The following DGKI variants were observed in gnomAD, a reference collection of about 807,000 sequenced individuals.
The protein encoded by DGKI is diacylglycerol kinase iota.
DGKI carries 55 observed loss-of-function variants against 147.5 expected under a neutral mutation model. The observed-to-expected ratio is 0.37, with a 90% confidence interval of 0.30 to 0.47. The LOEUF (loss-of-function observed/expected upper bound fraction) is 0.47. Ranked by LOEUF, DGKI falls within the 20% of genes least tolerant of loss-of-function variation. The pLI is 1.00. For synonymous variants in DGKI, 469 were observed against 477.1 expected, an observed-to-expected ratio of 0.98 and a Z score of 0.22; for missense variants, 1,007 against 1,323.8, an observed-to-expected ratio of 0.76 and a Z score of 3.71.
chr7:137,830,287 G>T (rs1421632960), intron 1 of DGKI, among the ~76,000 whole-genome samples: 1 of 152,180 alleles, frequency 6.6e-6, no homozygotes, highest in South Asian at 2.1e-4. Flanking sequence ...AGTCCCCAAA[G>T]CTATGCCTAT....
chr7:137,464,048 T>A (rs1356850686), intron 26 of DGKI, among the ~76,000 whole-genome samples: 1 of 151,012 alleles, frequency 6.6e-6, no homozygotes. Flanking sequence ...CTAACAGAGG[T>A]CTAGCAAGGC....
intron 28 of DGKI, among the ~76,000 whole-genome samples, chr7:137,435,853 C>A (rs1212146640): frequency 1.3e-5 from 2 of 152,174 alleles, no homozygotes; most frequent in African/African-American, 4.8e-5. Context: ...GATCTCGGCT[C>A]TCTGCAACCT....
At chr7:137,625,341 T>A (rs1335269906) in intron 6 of DGKI, among the ~76,000 whole-genome samples, 1 of 152,066 alleles carries the variant, frequency 6.6e-6, no homozygotes, top group East Asian at 1.9e-4. Flanking sequence ...GCGCCTGTAA[T>A]CCCAGCTACT....
chr7:137,690,792 C>T (rs1009953510), intron 1 of DGKI, among the ~76,000 whole-genome samples: 1 of 151,822 alleles, frequency 6.6e-6, no homozygotes, highest in African/African-American at 2.4e-5. Context: ...ATGATCATTG[C>T]TGAGCAAAGG....
intron 27 of DGKI, among the ~76,000 whole-genome samples, chr7:137,457,114 C>T (rs976770071): frequency 6.6e-6 from 1 of 152,090 alleles, no homozygotes; most frequent in Non-Finnish European, 1.5e-5. Context: ...CTGTATTTTT[C>T]CAGCTGGAAT....
intron 20 of DGKI, among the ~76,000 whole-genome samples, chr7:137,540,647 C>T (rs1294948696): frequency 2.0e-5 from 3 of 150,288 alleles, no homozygotes; most frequent in Admixed American, 6.7e-5. Flanking sequence ...AATCGCACCA[C>T]TGCACTCCAG....
intron 31 of DGKI, among the ~76,000 whole-genome samples, chr7:137,396,395 C>A (rs1811553832): frequency 6.6e-6 from 1 of 152,230 alleles, no homozygotes; most frequent in African/African-American, 2.4e-5. Context: ...GCCATTTCCC[C>A]ATCACTGACA....
chr7:137,525,764 C>T (rs186486319), intron 20 of DGKI, among the ~76,000 whole-genome samples: 1 of 152,110 alleles, frequency 6.6e-6, no homozygotes, highest in African/African-American at 2.4e-5. Context: ...TTCTGAAAAT[C>T]GTTCTCCTAG....
At chr7:137,501,043 T>C (rs1816152975) in intron 21 of DGKI, among the ~76,000 whole-genome samples, 1 of 152,152 alleles carries the variant, frequency 6.6e-6, no homozygotes, top group African/African-American at 2.4e-5. Context: ...TCCAAGTCTC[T>C]GGTAATCACT....
Position 137,599,924 on chromosome 7 carries a change from C to T in DGKI, c.1168-19G>A. The T allele has an allele frequency of 1.3e-6, 2 of 1,595,120 alleles. No homozygotes were observed. The highest frequency in any genetic ancestry group is 1.7e-4 in the Middle Eastern group (1 of 6,022). ...TGGTTCCCTGTAAAAAATAAATACA[C>T]AAAAAGGCAATAATAGGAAGAAATT... On this transcript the variant is annotated intron_variant, in intron 10 of 32. Transcript: ENST00000614521.
intron 21 of DGKI, among the ~76,000 whole-genome samples, chr7:137,509,564 C>T (rs1457201979): frequency 6.6e-6 from 1 of 152,066 alleles, no homozygotes; most frequent in African/African-American, 2.4e-5. Flanking sequence ...GCCTGCTGAG[C>T]TGGAGAGAGC....
intron 6 of DGKI, among the ~76,000 whole-genome samples, chr7:137,636,418 C>G (rs779743248): frequency 6.6e-6 from 1 of 152,174 alleles, no homozygotes; most frequent in Non-Finnish European, 1.5e-5. Context: ...CCAATCAGAA[C>G]CCTGAAAGAG....
chr7:137,509,464 G>C (rs1006390778), intron 21 of DGKI, among the ~76,000 whole-genome samples: 1 of 152,166 alleles, frequency 6.6e-6, no homozygotes, highest in Non-Finnish European at 1.5e-5. Flanking sequence ...TGGGAAGAGG[G>C]AAAAGGAGCA....
At chr7:137,812,976 A>G (rs1797636303) in intron 1 of DGKI, among the ~76,000 whole-genome samples, 1 of 152,220 alleles carries the variant, frequency 6.6e-6, no homozygotes, top group Non-Finnish European at 1.5e-5. Flanking sequence ...GAACAGCAGA[A>G]ATGGTCAAGA....
intron 27 of DGKI, among the ~76,000 whole-genome samples, chr7:137,451,613 C>T (rs1018298019): frequency 1.3e-5 from 2 of 152,132 alleles, no homozygotes; most frequent in Non-Finnish European, 2.9e-5. Flanking sequence ...AAGTATTGCA[C>T]CTCTTATGAT....
Position 137,846,380 on chromosome 7 carries a change from CG to C in DGKI, c.401+81del, listed in dbSNP as rs1798730098. On this transcript the variant is annotated intron_variant, in intron 1 of 32. Transcript: ENST00000614521. This position sits in a 1 kb window ranked among gnomAD's most constrained non-coding sequence, Gnocchi z 4.0. The stretch of plus-strand genomic sequence containing the variant: ...GTGGAAACAGAGAGGTGCCCAACTC[CG>C]CGGAAGCGCCCCTTGCTGGGTAGAA... 2 of 979,968 alleles carry C rather than the reference CG, an allele frequency of 2.0e-6. No individual in the cohort carries two copies. The highest frequency in any genetic ancestry group is 2.8e-6 in the Non-Finnish European group (2 of 718,324). The allele number at this position is 979,968 out of a possible 1,614,324, so 60.7% of individuals were successfully genotyped here.
intron 1 of DGKI, among the ~76,000 whole-genome samples, chr7:137,792,171 G>A (rs1796876042): frequency 6.6e-6 from 1 of 152,116 alleles, no homozygotes; most frequent in African/African-American, 2.4e-5. Context: ...CGGCTTCCAA[G>A]AATCACAAGC....
chr7:137,590,588 G>A (rs989830578), intron 12 of DGKI, among the ~76,000 whole-genome samples: 4 of 152,230 alleles, frequency 2.6e-5, no homozygotes, highest in Admixed American at 2.6e-4. Context: ...TACTAAAACA[G>A]ATGGAACGTT....
chr7:137,547,544 T>A (rs1817906194), intron 20 of DGKI, among the ~76,000 whole-genome samples: 1 of 152,166 alleles, frequency 6.6e-6, no homozygotes, highest in Non-Finnish European at 1.5e-5. Context: ...AGTTTTATAT[T>A]CACAAAATTT....
Sources: allele counts gnomAD v4.1 joint callset (sites outside exome capture counted in the v4.1 genomes callset), GRCh38; gene constraint gnomAD v4.1.1; non-coding constraint Gnocchi (gnomAD v3.1); transcripts MANE v1.5; gene names NCBI Gene and HGNC (gene_info 2026-07-23, HGNC 2026-07-21).